ROBO2: variants seen among roughly 807,000 people sequenced by gnomAD.
The protein encoded by ROBO2 is roundabout homolog 2.
In ROBO2, 53 loss-of-function variants were observed where a neutral mutation model predicts 160.8. The observed-to-expected ratio is 0.33, with a 90% CI of 0.26 to 0.41. The LOEUF (loss-of-function observed/expected upper bound fraction) is 0.41. Among genes scored for constraint, ROBO2 ranks in the 10% least tolerant of loss-of-function variants. The pLI is 1.00. For synonymous variants in ROBO2, 664 were observed against 611.7 expected, an observed-to-expected ratio of 1.09 and a Z score of -1.26; for missense variants, 1,577 against 1,722.4, an observed-to-expected ratio of 0.92 and a Z score of 1.49.
intron 2 of ROBO2, among the ~76,000 whole-genome samples, chr3:76,866,930 T>C (rs1046524071): frequency 6.6e-6 from 1 of 152,156 alleles, no homozygotes; most frequent in Non-Finnish European, 1.5e-5. Context: ...TAATGAACTA[T>C]ATGTTAATTC....
At chr3:76,250,751 G>A (rs530751515) in intron 2 of ROBO2, among the ~76,000 whole-genome samples, 4 of 152,064 alleles carry the variant, frequency 2.6e-5, no homozygotes, top group South Asian at 4.1e-4. Context: ...ATGGAGAAAG[G>A]TTTTTAAAAA....
intron 2 of ROBO2, among the ~76,000 whole-genome samples, chr3:76,779,954 A>T (rs2108594574): frequency 6.6e-6 from 1 of 150,988 alleles, no homozygotes; most frequent in East Asian, 2.0e-4. Flanking sequence ...TCTATTTTTT[A>T]ATCCTTGAAG....
intron 2 of ROBO2, among the ~76,000 whole-genome samples, chr3:76,086,890 A>G (rs141485787): frequency 2.4e-3 from 372 of 152,334 alleles, no homozygotes; most frequent in African/African-American, 8.7e-3. Context: ...AAACACTAAT[A>G]GAAATGGTGA....
chr3:76,460,866 C>T (rs1577354943), intron 2 of ROBO2, among the ~76,000 whole-genome samples: 1 of 152,226 alleles, frequency 6.6e-6, no homozygotes, highest in East Asian at 1.9e-4. Flanking sequence ...AAGAAAAATA[C>T]CAAGACATGT....
At chr3:75,979,810 T>C (rs2065228767) in intron 2 of ROBO2, among the ~76,000 whole-genome samples, 1 of 151,652 alleles carries the variant, frequency 6.6e-6, no homozygotes, top group African/African-American at 2.4e-5. Flanking sequence ...TCTTCCAAAG[T>C]ATAAATTTTG....
At chr3:76,020,287 G>A (rs971274098) in intron 2 of ROBO2, among the ~76,000 whole-genome samples, 4 of 151,520 alleles carry the variant, frequency 2.6e-5, no homozygotes, top group East Asian at 3.9e-4. Flanking sequence ...GTGATTCCTC[G>A]ATAGTATAAT....
chr3:77,401,185 G>C (rs142088240), intron 2 of ROBO2, among the ~76,000 whole-genome samples: 1 of 151,702 alleles, frequency 6.6e-6, no homozygotes, highest in Non-Finnish European at 1.5e-5. Context: ...GAAAAATCCT[G>C]CTCTGGGTGG....
At chr3:77,443,440 T>C (rs911624286) in intron 2 of ROBO2, among the ~76,000 whole-genome samples, 1 of 152,140 alleles carries the variant, frequency 6.6e-6, no homozygotes, top group Non-Finnish European at 1.5e-5. Context: ...TGCCACTCAT[T>C]GCCCAATTTA....
intron 2 of ROBO2, among the ~76,000 whole-genome samples, chr3:75,978,913 G>A (rs1033813333): frequency 1.3e-5 from 2 of 151,406 alleles, no homozygotes; most frequent in African/African-American, 4.8e-5. Context: ...GTGCATTTTT[G>A]CTTTCTCACT....
intron 1 of ROBO2, among the ~76,000 whole-genome samples, chr3:75,917,516 T>C (rs1489723725): frequency 9.2e-5 from 14 of 152,262 alleles, no homozygotes; most frequent in Admixed American, 1.3e-4. Flanking sequence ...TGTGTCTTTA[T>C]AGCAGAATGA....
At chr3:77,273,326 T>C (rs9882414) in intron 2 of ROBO2, among the ~76,000 whole-genome samples, 68,031 of 151,926 alleles carry the variant, frequency 0.45, 15,543 homozygotes, top group Middle Eastern at 0.57. Context: ...GAAAACTAAA[T>C]GCCACATGTT....
chr3:76,842,088 C>A (rs1055974159), intron 2 of ROBO2, among the ~76,000 whole-genome samples: 2 of 152,166 alleles, frequency 1.3e-5, no homozygotes, highest in South Asian at 4.1e-4. Flanking sequence ...GCTTATTTTG[C>A]CACAATCGTG....
intron 2 of ROBO2, among the ~76,000 whole-genome samples, chr3:76,476,169 C>T (rs1363860914): frequency 6.6e-6 from 1 of 152,024 alleles, no homozygotes; most frequent in Non-Finnish European, 1.5e-5. Flanking sequence ...ACAAAAAAAC[C>T]CAAAGAAACA....
At chr3:77,058,249 C>T (rs2065954027) in intron 1 of ROBO2, among the ~76,000 whole-genome samples, 1 of 151,958 alleles carries the variant, frequency 6.6e-6, no homozygotes, top group Non-Finnish European at 1.5e-5. Context: ...TATTCAGTTG[C>T]CTTGAGACAA....
At chr3:76,283,531 T>C (rs1157787476) in intron 2 of ROBO2, among the ~76,000 whole-genome samples, 1 of 151,964 alleles carries the variant, frequency 6.6e-6, no homozygotes, top group African/African-American at 2.4e-5. Flanking sequence ...ACTTATCCTG[T>C]AGGAATCTTT....
chr3:77,388,643 A>T lies in ROBO2; in HGVS notation c.389-88771A>T, dbSNP rs531237917. Among the ~76,000 whole-genome samples the T allele has an allele frequency of 9.8e-5, 15 of 152,304 alleles. No homozygotes were observed. The East Asian group carries it at 2.7e-3, about 27-fold the overall frequency. On this transcript the variant is annotated intron_variant, in intron 2 of 25. Transcript: ENST00000461745. ...TATATATTTAAGGTGATACAACATG[A>T]TATTTTTATGACTTCTCTCACAATT...
At chr3:76,169,446 G>A (rs965996927) in intron 2 of ROBO2, among the ~76,000 whole-genome samples, 2 of 152,126 alleles carry the variant, frequency 1.3e-5, no homozygotes, top group Non-Finnish European at 1.5e-5. Context: ...TGTCTTTGCC[G>A]TATGAGAATC....
At position 76,854,018 on chromosome 3, in the gene ROBO2, TTCTCTCTCTCTCTCTCTCTC is replaced by T. The variant is rs573633101; in HGVS notation, c.110-243966_110-243947del. On this transcript the variant is annotated intron_variant, in intron 2 of 26. Coordinates refer to the ROBO2 transcript ENST00000487694. ...AAATGGACAGCCAAAAGCATAGACT[TTCTCTCTCTCTCTCTCTCTC>T]TCTCTCTCTCTCTCTCTCTCTCTCT... Among the ~76,000 whole-genome samples the T allele has an allele frequency of 1.0e-3, 122 of 117,264 alleles. 2 individuals are homozygous for T. The highest frequency in any genetic ancestry group is 1.3e-3 in the Admixed American group (14 of 10,902). 76.9% of individuals were successfully genotyped at this position (117,264 alleles called of 152,430 possible). A position where few individuals can be genotyped will look rare whatever the true frequency, so the allele number is the denominator to read the frequency against.
At chr3:76,193,791 A>G (rs1361297452) in intron 2 of ROBO2, among the ~76,000 whole-genome samples, 2 of 152,228 alleles carry the variant, frequency 1.3e-5, no homozygotes, top group African/African-American at 4.8e-5. Flanking sequence ...CTTTATTCAG[A>G]TTATTAATTG....
Sources: gnomAD v4.1 joint callset for allele counts (sites outside exome capture counted in the v4.1 genomes callset) on GRCh38, gnomAD v4.1.1 for gene constraint, MANE v1.5 for transcripts, NCBI Gene and HGNC (gene_info 2026-07-23, HGNC 2026-07-21) for gene names.